Variants in ULK4 observed in about 807,000 individuals in gnomAD.
ULK4 encodes the protein unc-51 like kinase 4.
A neutral mutation model predicts 160.6 loss-of-function variants in ULK4; 133 were observed. That is an observed-to-expected ratio of 0.83 (90% CI 0.72 to 0.96). ULK4 has a LOEUF of 0.96. Ranked by LOEUF, ULK4 falls within the 40% of genes least tolerant of loss-of-function variation. The pLI is 0.00. For synonymous variants in ULK4, 534 were observed against 539.8 expected, an observed-to-expected ratio of 0.99 and a Z score of 0.15; for missense variants, 1,580 against 1,499.5, an observed-to-expected ratio of 1.05 and a Z score of -0.89.
chr3:41,709,681 G>A (rs372444683), intron 25 of ULK4, among the ~76,000 whole-genome samples: 69 of 152,182 alleles, frequency 4.5e-4, no homozygotes, highest in African/African-American at 1.4e-3. Context: ...CACCATGCCT[G>A]GCCGAGTTAA....
intron 32 of ULK4, among the ~76,000 whole-genome samples, chr3:41,555,928 A>G (rs190599925): frequency 6.6e-6 from 1 of 152,350 alleles, no homozygotes; most frequent in East Asian, 1.9e-4. Context: ...ACACAGGAAC[A>G]GAAAACCAAA....
chr3:41,682,715 C>T (rs2035963407), intron 27 of ULK4, among the ~76,000 whole-genome samples: 1 of 152,316 alleles, frequency 6.6e-6, no homozygotes, highest in South Asian at 2.1e-4. Flanking sequence ...GTGTTTTCTT[C>T]ACCCTCTTCC....
intron 27 of ULK4, among the ~76,000 whole-genome samples, chr3:41,702,777 A>G (rs2036721110): frequency 6.6e-6 from 1 of 151,982 alleles, no homozygotes; most frequent in Non-Finnish European, 1.5e-5. Context: ...GTAATAGGAG[A>G]TTTATACACA....
At chr3:41,248,028 G>A (rs1439322717) in intron 36 of ULK4, among the ~76,000 whole-genome samples, 1 of 152,226 alleles carries the variant, frequency 6.6e-6, no homozygotes, top group Non-Finnish European at 1.5e-5. Context: ...CAGACCACCA[G>A]CCTCATGGAC....
intron 35 of ULK4, among the ~76,000 whole-genome samples, chr3:41,325,785 G>C (rs944557291): frequency 2.0e-5 from 3 of 151,958 alleles, no homozygotes; most frequent in Admixed American, 6.6e-5. Flanking sequence ...CAGGCATGGT[G>C]GTGGGCACCT....
chr3:41,662,655 G>A (rs1181984508), intron 30 of ULK4, among the ~76,000 whole-genome samples: 1 of 152,138 alleles, frequency 6.6e-6, no homozygotes, highest in Non-Finnish European at 1.5e-5. Flanking sequence ...CCAACTGGTA[G>A]GTCTGGAGAT....
rs2040093383 is a variant in ULK4, at chr3:41,789,740, T to C, written c.2114A>G (p.Lys705Arg). The change falls in exon 21 of 37, where the codon AAA becomes AGA. Residue 705 changes from lysine to arginine, a missense_variant. Transcript: ENST00000301831. ...TAAGGTCAACATGTACTGCTGAACT[T>C]TGCAGATGGCAGAGGCCAGGGAGTT... ...VINSLASAIC[K>R]VQQYMLTLFA... 2 of 1,613,808 alleles carry C rather than the reference T, an allele frequency of 1.2e-6. No individual in the cohort carries two copies. Among genetic ancestry groups the C allele is most frequent in the South Asian group, 1.1e-5 (1 of 91,042 alleles).
intron 34 of ULK4, among the ~76,000 whole-genome samples, chr3:41,400,684 T>C (rs1308489620): frequency 2.0e-5 from 3 of 152,176 alleles, no homozygotes; most frequent in African/African-American, 4.8e-5. Context: ...CTGGGATAAA[T>C]GCCCAAGAGT....
chr3:41,533,932 T>C (rs950750527), intron 32 of ULK4, among the ~76,000 whole-genome samples: 38 of 152,186 alleles, frequency 2.5e-4, no homozygotes, highest in Non-Finnish European at 4.4e-4. Flanking sequence ...CTCAGCCTCC[T>C]GAGTAGCTGG....
chr3:41,937,148 AG>A (rs146197255), intron 3 of ULK4: 57,893 of 446,712 alleles, frequency 0.13, 4,420 homozygotes, highest in Middle Eastern at 0.21. Flanking sequence ...GATGAAGGGA[AG>A]AGGTATTTGG....
chr3:41,758,347 G>C (rs1666161258), intron 21 of ULK4, among the ~76,000 whole-genome samples: 1 of 151,936 alleles, frequency 6.6e-6, no homozygotes, highest in Admixed American at 6.6e-5. Flanking sequence ...TTGAGGGAGA[G>C]GTAAACTGTA....
chr3:41,622,469 A>G (rs569426620), intron 30 of ULK4, among the ~76,000 whole-genome samples: 143 of 152,296 alleles, frequency 9.4e-4, no homozygotes, highest in Non-Finnish European at 1.7e-3. Flanking sequence ...GCTGGAAACC[A>G]TCATTCTCAG....
intron 35 of ULK4, among the ~76,000 whole-genome samples, chr3:41,368,861 G>A (rs1337581315): frequency 6.6e-6 from 1 of 151,906 alleles, no homozygotes; most frequent in East Asian, 2.0e-4. Flanking sequence ...TGTATAAACT[G>A]TATTGCTTTT....
intron 25 of ULK4, among the ~76,000 whole-genome samples, chr3:41,707,733 G>T (rs2036949734): frequency 6.6e-6 from 1 of 152,012 alleles, no homozygotes; most frequent in Non-Finnish European, 1.5e-5. Context: ...AGAGGCTGAG[G>T]TGGAGGATCA....
At chr3:41,632,079 T>C (rs555591532) in intron 30 of ULK4, among the ~76,000 whole-genome samples, 53 of 152,302 alleles carry the variant, frequency 3.5e-4, no homozygotes, top group African/African-American at 1.2e-3. Flanking sequence ...CATGATTCTG[T>C]ATTCATCCCA....
intron 2 of ULK4, among the ~76,000 whole-genome samples, chr3:41,941,090 G>T (rs2148830326): frequency 6.7e-6 from 1 of 148,318 alleles, no homozygotes; most frequent in East Asian, 2.0e-4. Context: ...CTGGAGCACA[G>T]TGGCACAGTC....
intron 27 of ULK4, among the ~76,000 whole-genome samples, chr3:41,693,795 T>C (rs963588295): frequency 6.6e-6 from 1 of 152,206 alleles, no homozygotes; most frequent in African/African-American, 2.4e-5. Flanking sequence ...AGCACATTCA[T>C]GCTCTACATA....
intron 35 of ULK4, among the ~76,000 whole-genome samples, chr3:41,323,741 G>A (rs2080289980): frequency 2.0e-5 from 3 of 152,146 alleles, no homozygotes; most frequent in Non-Finnish European, 4.4e-5. Context: ...AGCAGACACA[G>A]TGTAAGGGGG....
At chr3:41,851,856 C>G (rs1173443487) in intron 17 of ULK4, among the ~76,000 whole-genome samples, 5 of 152,054 alleles carry the variant, frequency 3.3e-5, no homozygotes, top group Admixed American at 2.0e-4. Flanking sequence ...CAAGAGCAAA[C>G]ACATTCAAAA....
Sources: allele counts gnomAD v4.1 joint callset (sites outside exome capture counted in the v4.1 genomes callset), GRCh38; gene constraint gnomAD v4.1.1; transcripts MANE v1.5; gene names NCBI Gene and HGNC (gene_info 2026-07-23, HGNC 2026-07-21).